Variants in CTNNA2 observed in about 807,000 individuals in gnomAD.
The protein encoded by CTNNA2 is catenin alpha 2.
Under a neutral mutation model 101.0 loss-of-function variants are expected in CTNNA2, and 42 were observed. The observed-to-expected ratio is 0.42, with a 90% confidence interval of 0.32 to 0.54. CTNNA2 has a LOEUF of 0.54. CTNNA2 is among the 20% of genes least tolerant of loss of function. CTNNA2 has a pLI of 0.14. For synonymous variants in CTNNA2, 450 were observed against 456.4 expected, an observed-to-expected ratio of 0.99 and a Z score of 0.18; for missense variants, 871 against 1,223.1, an observed-to-expected ratio of 0.71 and a Z score of 4.29.
chr2:79,874,310 G>C lies in CTNNA2; in HGVS notation c.820G>C (p.Gly274Arg). Residue 274 changes from glycine to arginine, a missense_variant, in exon 6 of 19, where the codon GGC (glycine) becomes CGC (arginine). Physicochemically the swap from Gly to Arg is moderately radical, Grantham distance 125 (BLOSUM62 -2). Transcript: ENST00000402739. Reference protein sequence around the residue: ...TDEAKGHTGIGELAAALNEFD... With the variant: ...TDEAKGHTGIRELAAALNEFD... ...CGAAGCCAAGGGCCACACGGGCATC[G>C]GCGAGCTGGCTGCGGCTCTTAATGA... The C allele has an allele frequency of 1.2e-6, 2 of 1,613,996 alleles. No individual in the cohort carries two copies. The highest frequency in any genetic ancestry group is 1.7e-6 in the Non-Finnish European group (2 of 1,180,004).
At chr2:80,139,444 T>G (rs1451193554) in intron 7 of CTNNA2, among the ~76,000 whole-genome samples, 5 of 152,158 alleles carry the variant, frequency 3.3e-5, no homozygotes, top group Non-Finnish European at 7.3e-5. Flanking sequence ...AATACTCCTT[T>G]CCATTTCTGT....
chr2:80,526,956 G>T (rs1690095071), intron 9 of CTNNA2, among the ~76,000 whole-genome samples: 1 of 152,196 alleles, frequency 6.6e-6, no homozygotes, highest in South Asian at 2.1e-4. Flanking sequence ...TTGAAATTTG[G>T]GAGGTAGTAG....
chr2:80,256,413 T>C (rs1005969605), intron 7 of CTNNA2, among the ~76,000 whole-genome samples: 1 of 152,142 alleles, frequency 6.6e-6, no homozygotes, highest in African/African-American at 2.4e-5. Context: ...GCGGCACATC[T>C]GAATACAAAA....
intron 9 of CTNNA2, among the ~76,000 whole-genome samples, chr2:80,513,054 A>G (rs1688835538): frequency 6.6e-6 from 1 of 152,198 alleles, no homozygotes; most frequent in Non-Finnish European, 1.5e-5. Context: ...CTTACACAAG[A>G]GAGTATACCC....
At chr2:80,362,862 G>A (rs1198793741) in intron 7 of CTNNA2, among the ~76,000 whole-genome samples, 1 of 152,022 alleles carries the variant, frequency 6.6e-6, no homozygotes, top group African/African-American at 2.4e-5. Flanking sequence ...GTGCATGCCT[G>A]TAATCCCAGC....
intron 1 of CTNNA2, among the ~76,000 whole-genome samples, chr2:79,607,341 G>A (rs890844287): frequency 2.0e-5 from 3 of 152,136 alleles, no homozygotes; most frequent in Non-Finnish European, 2.9e-5. Flanking sequence ...ATTGAATGGA[G>A]CAAGTAGACA....
At chr2:80,029,260 G>A (rs540418320) in intron 7 of CTNNA2, 7 of 152,298 alleles carry the variant, frequency 4.6e-5, no homozygotes, top group South Asian at 4.1e-4. Flanking sequence ...TAGGAAACTA[G>A]GACTCTGGCC....
rs375904723 is a variant in CTNNA2 at position 80,630,341 on chromosome 2, C to T, written c.2574+11113C>T. ...ATGTCATTACATATTTACCTAGTCT[C>T]TCTGTCTCTCTGTACATTTTAAAAT... On this transcript the variant is annotated intron_variant, in intron 18 of 18. Coordinates refer to ENST00000402739, the MANE Select transcript of CTNNA2 (RefSeq NM_001282597.3). 5.9e-5 allele frequency among the ~76,000 whole-genome samples: 9 copies of T among 152,204 alleles called. No individual in the cohort carries two copies. The East Asian group carries it at 1.5e-3, about 26-fold the overall frequency.
intron 7 of CTNNA2, among the ~76,000 whole-genome samples, chr2:80,094,368 TC>T (rs1462945770): frequency 6.6e-6 from 1 of 152,198 alleles, no homozygotes; most frequent in East Asian, 1.9e-4. Flanking sequence ...GGTCTATCTC[TC>T]TGTTTTGGTA....
At chr2:80,341,954 A>G (rs1182669159) in intron 7 of CTNNA2, among the ~76,000 whole-genome samples, 1 of 152,254 alleles carries the variant, frequency 6.6e-6, no homozygotes, top group African/African-American at 2.4e-5. Flanking sequence ...GTAGTAATGC[A>G]TGCTACAACA....
At chr2:79,651,110 G>A (rs60145441) in intron 1 of CTNNA2, among the ~76,000 whole-genome samples, 7,837 of 152,048 alleles carry the variant, frequency 0.052, 570 homozygotes, top group African/African-American at 0.16. Flanking sequence ...TCAGTGTGGC[G>A]ATTCCTCAGG....
intron 7 of CTNNA2, among the ~76,000 whole-genome samples, chr2:80,127,655 T>A (rs1702210803): frequency 6.6e-6 from 1 of 152,132 alleles, no homozygotes; most frequent in South Asian, 2.1e-4. Flanking sequence ...GAAGTAGAGA[T>A]CTGTGACTGC....
Position 79,474,628 on chromosome 2 carries a change from CATT to C in CTNNA2, c.-134-30423_-134-30421del, listed in dbSNP as rs1008279646. ...AGGAAGAGTTATAAAATAGAGTAATCATTATATTTTAATTTTAATTTATATTAA... is the reference window on the plus strand; with the variant it reads ...AGGAAGAGTTATAAAATAGAGTAATCATATTTTAATTTTAATTTATATTAA... On this transcript the variant is annotated intron_variant, in intron 4 of 21. Transcript: ENST00000466387. Among the ~76,000 whole-genome samples the C allele has an allele frequency of 3.9e-5, 6 of 152,056 alleles. No individual in the cohort carries two copies. In the East Asian group the frequency reaches 5.8e-4, roughly 15 times the overall value.
chr2:80,142,706 G>C (rs1703089240), intron 7 of CTNNA2, among the ~76,000 whole-genome samples: 1 of 152,108 alleles, frequency 6.6e-6, no homozygotes, highest in African/African-American at 2.4e-5. Flanking sequence ...GTTTGTTTTA[G>C]GCTTTCAGCA....
intron 13 of CTNNA2, among the ~76,000 whole-genome samples, chr2:80,580,006 G>C (rs1432576208): frequency 6.6e-6 from 1 of 152,186 alleles, no homozygotes; most frequent in Non-Finnish European, 1.5e-5. Context: ...CACCTGTCAG[G>C]CTAATCTCAC....
intron 7 of CTNNA2, among the ~76,000 whole-genome samples, chr2:80,340,888 C>T (rs1202385324): frequency 1.3e-5 from 2 of 152,172 alleles, no homozygotes; most frequent in Admixed American, 6.5e-5. Flanking sequence ...GACCGACTGT[C>T]TATAAATTGG....
At chr2:79,450,426 T>C (rs1267023327) in intron 4 of CTNNA2, among the ~76,000 whole-genome samples, 4 of 151,972 alleles carry the variant, frequency 2.6e-5, no homozygotes, top group African/African-American at 9.7e-5. Context: ...GTAAGTGTAA[T>C]AAACCAAGGC....
chr2:80,071,273 A>G (rs1374530100), intron 7 of CTNNA2, among the ~76,000 whole-genome samples: 1 of 152,242 alleles, frequency 6.6e-6, no homozygotes, highest in Admixed American at 6.5e-5. Flanking sequence ...GAAGAATTGT[A>G]ACAAGAAAGA....
intron 2 of CTNNA2, among the ~76,000 whole-genome samples, chr2:79,251,464 A>G (rs995443688): frequency 6.6e-6 from 1 of 152,084 alleles, no homozygotes; most frequent in African/African-American, 2.4e-5. Flanking sequence ...CTTTCCCTTT[A>G]AGTATGGGCT....
Sources: allele counts gnomAD v4.1 joint callset (sites outside exome capture counted in the v4.1 genomes callset), GRCh38; gene constraint gnomAD v4.1.1; transcripts MANE v1.5; gene names NCBI Gene and HGNC (gene_info 2026-07-23, HGNC 2026-07-21).